Variants in FRMD1 observed in about 807,000 individuals in gnomAD.
FRMD1 encodes the protein FERM domain-containing protein 1.
A neutral mutation model predicts 54.9 loss-of-function variants in FRMD1; 51 were observed. The ratio of observed to expected loss-of-function variants is 0.93; its 90% CI spans 0.74 to 1.17. The LOEUF is 1.17. FRMD1 is among the 50% of genes most tolerant of loss of function. The pLI, the probability that FRMD1 is intolerant of heterozygous loss-of-function variation, is 0.00. For synonymous variants in FRMD1, 324 were observed against 306.4 expected (o/e 1.06, Z -0.60); for missense variants, 729 against 743.0 (o/e 0.98, Z 0.22).
In FRMD1 at chr6:168,059,989, A is replaced by AGGGCTTCCTAGGAGTAGG. The variant is rs1562406130; in HGVS notation, c.1342+754_1342+771dup. Among the ~76,000 whole-genome samples the AGGGCTTCCTAGGAGTAGG allele has an allele frequency of 4.7e-5, 7 of 150,296 alleles. No individual in the cohort carries two copies. The highest frequency in any genetic ancestry group is 1.2e-4 in the African/African-American group (5 of 40,982). ...CTGATGGGAGGGAAGCTGGTAGGACAGGGCTTCCTAGGAGTAGGGGGCTTC... is the reference window on the plus strand; with the variant it reads ...CTGATGGGAGGGAAGCTGGTAGGACAGGGCTTCCTAGGAGTAGGGGGCTTCCTAGGAGTAGGGGGCTTC... On this transcript the variant is annotated intron_variant, in intron 9 of 10. Coordinates refer to ENST00000283309, the MANE Select transcript of FRMD1 (RefSeq NM_024919.6). This position sits in a 1 kb window ranked among gnomAD's most constrained non-coding sequence, Gnocchi z 4.4.
chr6:168,084,693 C>T (rs1003942152), upstream of FRMD1, among the ~76,000 whole-genome samples: 2 of 152,236 alleles, frequency 1.3e-5, no homozygotes, highest in African/African-American at 2.4e-5. Context: ...ACTCACCTGC[C>T]CTTTGGAATG....
At chr6:168,061,782 C>A in intron 8 of FRMD1, 25 bp downstream of exon 8, 4 of 1,534,394 alleles carry the variant, frequency 2.6e-6, no homozygotes, top group Non-Finnish European at 2.6e-6. Flanking sequence ...GGCTGCGGAG[C>A]CCAGCATACC....
chr6:168,064,047 G>A (rs1799900048), intron 5 of FRMD1, among the ~76,000 whole-genome samples: 1 of 152,238 alleles, frequency 6.6e-6, no homozygotes, highest in South Asian at 2.1e-4. Flanking sequence ...ACGAGCCCTG[G>A]CTCTTGGGAA....
chr6:168,089,947 G>A (rs753593764), intron 1 of FRMD1, among the ~76,000 whole-genome samples: 6 of 152,244 alleles, frequency 3.9e-5, no homozygotes, highest in Non-Finnish European at 5.9e-5. Context: ...CCTCCTCGCC[G>A]GCAGGAAAAG....
chr6:168,064,517 G>A (rs1369082764), intron 5 of FRMD1, among the ~76,000 whole-genome samples: 3 of 152,198 alleles, frequency 2.0e-5, no homozygotes, highest in Admixed American at 2.0e-4. Flanking sequence ...AGAGAAGCAG[G>A]AAGGTTCACA....
At chr6:168,086,723 C>A (rs373591291) in intron 1 of FRMD1, among the ~76,000 whole-genome samples, 1 of 152,120 alleles carries the variant, frequency 6.6e-6, no homozygotes, top group African/African-American at 2.4e-5. Context: ...TCTGTCACCC[C>A]CCTCGGCATC....
Position 168,061,878 on chromosome 6 carries a change from CGCAGCAGGT to C in FRMD1, c.965_973del (p.His322_Leu324del), listed in dbSNP as rs764912458. ...GCGGAGGTGGAGCTGGTGGCTGGCG[CGCAGCAGGT>C]GCAGCAGGTGCCTGGACCGCCAGGT... On this transcript the variant is annotated inframe_deletion, in exon 8 of 11. Coordinates refer to ENST00000283309, the MANE Select transcript of FRMD1 (RefSeq NM_024919.6). The C allele has an allele frequency of 3.1e-6, 5 of 1,589,010 alleles. No individual in the cohort carries two copies. Among genetic ancestry groups the C allele is most frequent in the Middle Eastern group, 2.1e-4 (1 of 4,844 alleles).
Position 168,059,656 on chromosome 6 carries a change from C to A in FRMD1, c.1343-468G>T, listed in dbSNP as rs1034783792. ...TGGTCCCACCTGATCTCATCACATC[C>A]ACCGTCAGGGCCGTGGGGACACTCA... On this transcript the variant is annotated intron_variant, in intron 9 of 10. Coordinates refer to ENST00000283309, the MANE Select transcript of FRMD1 (RefSeq NM_024919.6). The surrounding 1 kb of genome is among the most constrained non-coding windows in gnomAD (Gnocchi z 4.4). 1.4e-4 allele frequency among the ~76,000 whole-genome samples: 21 copies of A among 152,176 alleles called. No homozygotes were observed. The highest frequency in any genetic ancestry group is 2.8e-4 in the Non-Finnish European group (19 of 68,030).
chr6:168,079,207 G>C lies in FRMD1; in HGVS notation c.-113C>G. 7.0e-7 allele frequency: 1 copy of C among 1,425,788 alleles called. No homozygotes were observed. The highest frequency in any genetic ancestry group is 9.2e-7 in the Non-Finnish European group (1 of 1,090,880). 88.3% of individuals were successfully genotyped at this position (1,425,788 alleles called of 1,614,324 possible). On this transcript the variant is annotated 5_prime_UTR_variant, in exon 1 of 11. Coordinates refer to ENST00000283309, the MANE Select transcript of FRMD1 (RefSeq NM_024919.6). ...CCTTGCCGAGCTTCTCACTGGGAAG[G>C]GAATTGAGAGGGAAGCCTGGGCTGG...
At chr6:168,084,642 C>A (rs1426874583), upstream of FRMD1, among the ~76,000 whole-genome samples, 1 of 152,244 alleles carries the variant, frequency 6.6e-6, no homozygotes, top group Non-Finnish European at 1.5e-5. Flanking sequence ...GTGCAGGACC[C>A]GGCTCCCTCC....
chr6:168,057,259 C>T lies in FRMD1; in HGVS notation c.1488G>A (p.Leu496=), dbSNP rs765274252. Residue 496 remains leucine, a synonymous_variant, in exon 11 of 11, where the codon CTG becomes CTA. Transcript: ENST00000283309. The stretch of plus-strand genomic sequence containing the variant: ...GGCTGAGTGAGGTGGGCGCTGGGTG[C>T]AGGGCCAGCTGGTGCAGCTGCATGT... ...LDDMQLHQLA[L]HPAPTSLSHT... 44 of 1,611,004 alleles carry T rather than the reference C, an allele frequency of 2.7e-5. No individual in the cohort carries two copies. In the East Asian group the frequency reaches 9.6e-4, roughly 35 times the overall value.
At chr6:168,071,693 G>T (rs1239109781) in intron 2 of FRMD1, among the ~76,000 whole-genome samples, 1 of 152,256 alleles carries the variant, frequency 6.6e-6, no homozygotes, top group African/African-American at 2.4e-5. Flanking sequence ...AGGGTTGGTT[G>T]GCAGGAGTCG....
chr6:168,072,872 A>C (rs755622312), intron 2 of FRMD1, among the ~76,000 whole-genome samples: 9 of 152,074 alleles, frequency 5.9e-5, no homozygotes, highest in Non-Finnish European at 1.2e-4. Flanking sequence ...GAATAGCAAA[A>C]CTGGACTCTC....
Position 168,057,326 on chromosome 6 carries a change from G to T in FRMD1, c.1421C>A (p.Thr474Lys), listed in dbSNP as rs2114941354. The T allele has an allele frequency of 1.9e-6, 3 of 1,611,018 alleles. No individual in the cohort carries two copies. Among genetic ancestry groups the T allele is most frequent in the Non-Finnish European group, 2.5e-6 (3 of 1,179,834 alleles). ...GTGCTGCTCCTCACTGACCCCGGCTGTCATTTCCTGGATCTGCGGGGAGAG... is the reference window on the plus strand; with the variant it reads ...GTGCTGCTCCTCACTGACCCCGGCTTTCATTTCCTGGATCTGCGGGGAGAG... Reference protein sequence around the residue: ...AEAVHQIQEMTAGVSEEQHSH... With the variant: ...AEAVHQIQEMKAGVSEEQHSH... Residue 474 changes from threonine to lysine, a missense_variant, in exon 11 of 11, where the codon ACA (threonine) becomes AAA (lysine). Thr to Lys is a moderately conservative substitution (Grantham distance 78). Coordinates refer to ENST00000283309, the MANE Select transcript of FRMD1 (RefSeq NM_024919.6).
chr6:168,070,368 G>GGA (rs1481568490), intron 2 of FRMD1, among the ~76,000 whole-genome samples: 1 of 117,468 alleles, frequency 8.5e-6, no homozygotes, highest in African/African-American at 3.3e-5. Flanking sequence ...AGGAAGGAAG[G>GGA]GAGAGAGGGA....
chr6:168,076,216 G>T (rs1034147235), intron 1 of FRMD1, among the ~76,000 whole-genome samples: 1 of 152,218 alleles, frequency 6.6e-6, no homozygotes, highest in Non-Finnish European at 1.5e-5. Context: ...ACCCTCACTT[G>T]GGGCTCCAAG....
At position 168,055,126 on chromosome 6, in the gene FRMD1, C is replaced by T. The variant is rs4708631; in HGVS notation, c.*1971G>A. On this transcript the variant is annotated 3_prime_UTR_variant, in exon 11 of 11. Coordinates refer to ENST00000283309, the MANE Select transcript of FRMD1 (RefSeq NM_024919.6). ...GGAATCCCCAGTGGGGCCAGAGAAG[C>T]TTCTCGGGTCAGCCAGGGGCCATGG... 0.88 allele frequency: 133,935 copies of T among 152,260 alleles called. 58,947 individuals carry two copies. Among genetic ancestry groups the T allele is most frequent in the South Asian group, 0.91 (4,382 of 4,826 alleles). The allele number at this position is 152,260 out of a possible 1,614,324, so 9.4% of individuals were successfully genotyped here. A position where few individuals can be genotyped will look rare whatever the true frequency, so the allele number is the denominator to read the frequency against.
intron 1 of FRMD1, among the ~76,000 whole-genome samples, chr6:168,077,018 C>T (rs1408225751): frequency 1.3e-5 from 2 of 152,200 alleles, no homozygotes; most frequent in Non-Finnish European, 2.9e-5. Context: ...TCCTGTCCAA[C>T]TGCAGACACA....
At position 168,079,175 on chromosome 6, in the gene FRMD1, G is replaced by A; in HGVS notation, c.-81C>T. ...CCCAGATCACAGCTGTGCTTTCCGG[G>A]ACCCGCCCTTGCCGAGCTTCTCACT... On this transcript the variant is annotated 5_prime_UTR_variant, in exon 1 of 11. Coordinates refer to ENST00000283309, the MANE Select transcript of FRMD1 (RefSeq NM_024919.6). 1 of 1,446,510 alleles carries A rather than the reference G, an allele frequency of 6.9e-7. No homozygotes were observed. The allele number at this position is 1,446,510 out of a possible 1,614,324, so 89.6% of individuals were successfully genotyped here.
Sources: gnomAD v4.1 joint callset for allele counts (sites outside exome capture counted in the v4.1 genomes callset) on GRCh38, gnomAD v4.1.1 for gene constraint, Gnocchi (gnomAD v3.1) non-coding constraint, MANE v1.5 for transcripts, NCBI Gene and HGNC (gene_info 2026-07-23, HGNC 2026-07-21) for gene names.